PPP1R3G: variants seen among roughly 807,000 people sequenced by gnomAD.
PPP1R3G encodes the protein protein phosphatase 1, regulatory (inhibitor) subunit 3G.
Under a neutral mutation model 2.0 loss-of-function variants are expected in PPP1R3G, and 3 were observed. The ratio of observed to expected loss-of-function variants is 1.47; its 90% CI spans 0.67 to 3.81. The LOEUF is 3.81. PPP1R3G is among the 30% of genes most tolerant of loss of function. The pLI is 0.02. For synonymous variants in PPP1R3G, 267 were observed against 250.9 expected (o/e 1.06, Z -0.61); for missense variants, 595 against 517.0 (o/e 1.15, Z -1.46).
Position 5,086,726 on chromosome 6 carries a change from C to T in PPP1R3G, c.*164C>T, listed in dbSNP as rs1762044404. 1 of 631,078 alleles carries T rather than the reference C, an allele frequency of 1.6e-6. No homozygotes were observed. The highest frequency in any genetic ancestry group is 2.7e-6 in the Non-Finnish European group (1 of 366,814). The allele number at this position is 631,078 out of a possible 1,614,324, so 39.1% of individuals were successfully genotyped here. ...GACTTTGAACCGTCGACTCGCACCCCCGCAGACAAGTGAGCGAGCTTAGAG... is the reference window on the plus strand; with the variant it reads ...GACTTTGAACCGTCGACTCGCACCCTCGCAGACAAGTGAGCGAGCTTAGAG... On this transcript the variant is annotated 3_prime_UTR_variant, in exon 1 of 1. Transcript: ENST00000405617.
At position 5,086,923 on chromosome 6, in the gene PPP1R3G, T is replaced by C. The variant is rs1762051678; in HGVS notation, c.*361T>C. On this transcript the variant is annotated 3_prime_UTR_variant, in exon 1 of 1. Coordinates refer to ENST00000405617, the MANE Select transcript of PPP1R3G (RefSeq NM_001145115.3). ...ACTCCCGGGCATGGTTCTAAGGCCT[T>C]GGGATTGGTTTTTAACTCTAAATAT... 3.6e-6 allele frequency: 1 copy of C among 277,450 alleles called. No homozygotes were observed. 17.2% of individuals were successfully genotyped at this position (277,450 alleles called of 1,614,324 possible). A position where few individuals can be genotyped will look rare whatever the true frequency, so the allele number is the denominator to read the frequency against.
In PPP1R3G at chr6:5,085,653, TA is replaced by T. The variant is rs1293040394; in HGVS notation, c.169del (p.Arg57GlyfsTer84). Reference sequence around the variant, plus strand: ...CGAGTCCTGACGCTCAGCTAGGGGATAGGCCCCTGTCCCCGAAGGAAGAGGC... The same window carrying T: ...CGAGTCCTGACGCTCAGCTAGGGGATGGCCCCTGTCCCCGAAGGAAGAGGC... Reference protein sequence around the residue: ...TPSPDAQLGDRPLSPKEEAAP... With the variant: ...TPSPDAQLGDXPLSPKEEAAP... On this transcript the variant is annotated frameshift_variant, in exon 1 of 1. Transcript: ENST00000405617. LOFTEE classifies it low-confidence loss of function (END_TRUNC). The T allele has an allele frequency of 3.2e-6, 5 of 1,548,592 alleles. No homozygotes were observed. The highest frequency in any genetic ancestry group is 3.5e-6 in the Non-Finnish European group (4 of 1,146,492).
Position 5,085,411 on chromosome 6 carries a change from C to A in PPP1R3G, c.-75C>A. On this transcript the variant is annotated 5_prime_UTR_variant, in exon 1 of 1. Transcript: ENST00000405617. ...CCTGAACTGCAGCCCTGCGCTCCTT[C>A]CACGGCCCGAGGAGTTAGTTAAGTC... 1.8e-6 allele frequency: 2 copies of A among 1,140,644 alleles called. No individual in the cohort carries two copies. Among genetic ancestry groups the A allele is most frequent in the Non-Finnish European group, 2.4e-6 (2 of 818,908 alleles). 70.7% of individuals were successfully genotyped at this position (1,140,644 alleles called of 1,614,324 possible).
At position 5,086,769 on chromosome 6, in the gene PPP1R3G, G is replaced by A; in HGVS notation, c.*207G>A. On this transcript the variant is annotated 3_prime_UTR_variant, in exon 1 of 1. Transcript: ENST00000405617. The stretch of plus-strand genomic sequence containing the variant: ...GCTTAGAGAGCCCGGGCAATGCTCC[G>A]AAAGCCTCTGACCTCAGTCTTCTCG... 1.7e-6 allele frequency: 1 copy of A among 585,462 alleles called. No individual in the cohort carries two copies. The highest frequency in any genetic ancestry group is 3.0e-6 in the Non-Finnish European group (1 of 331,666). 36.3% of individuals were successfully genotyped at this position (585,462 alleles called of 1,614,324 possible).
At position 5,088,592 on chromosome 6, in the gene PPP1R3G, CAA is replaced by C. The variant is rs1188880622; in HGVS notation, c.*2032_*2033del. On this transcript the variant is annotated 3_prime_UTR_variant, in exon 1 of 1. Transcript: ENST00000405617. ...AGTAGACACAGCAGAGACCAGATGG[CAA>C]AGTGTAAAATATTTACTATCTGGCC... 1 of 152,182 alleles carries C rather than the reference CAA, an allele frequency of 6.6e-6. No individual in the cohort carries two copies. Among genetic ancestry groups the C allele is most frequent in the African/African-American group, 2.4e-5 (1 of 41,436 alleles). The allele number at this position is 152,182 out of a possible 1,614,324, so 9.4% of individuals were successfully genotyped here.
rs2127581981 is a variant in PPP1R3G, at chr6:5,088,675, A to G, written c.*2113A>G. The G allele has an allele frequency of 6.6e-6, 1 of 152,344 alleles. No individual in the cohort carries two copies. The highest frequency in any genetic ancestry group is 1.9e-4 in the East Asian group (1 of 5,186). The allele number at this position is 152,344 out of a possible 1,614,324, so 9.4% of individuals were successfully genotyped here. ...TAGGGAAGTAGTGTTTTTTAAACAC[A>G]ATATGCTGACAATTATAGTTAATAA... is the stretch of plus-strand genomic sequence containing the variant. On this transcript the variant is annotated 3_prime_UTR_variant, in exon 1 of 1. Coordinates refer to ENST00000405617, the MANE Select transcript of PPP1R3G (RefSeq NM_001145115.3).
rs1311535648 is a variant in PPP1R3G at position 5,086,322 on chromosome 6, ACC to A, written c.838_839del (p.Pro280ValfsTer33). ...CGCTGGAGCCACAGCAGCCAGAGGC[ACC>A]GTCTGGGGCCTCCGAGCCAGGGTCC... ...EPLEPQQPEAPSGASEPGSGD... is the reference protein window; with the variant it reads ...EPLEPQQPEAXSGASEPGSGD... On this transcript the variant is annotated frameshift_variant, in exon 1 of 1. Coordinates refer to ENST00000405617, the MANE Select transcript of PPP1R3G (RefSeq NM_001145115.3). LOFTEE classifies it low-confidence loss of function (END_TRUNC). The A allele has an allele frequency of 1.3e-6, 2 of 1,535,588 alleles. No homozygotes were observed. The highest frequency in any genetic ancestry group is 1.4e-5 in the African/African-American group (1 of 73,028).
rs111286900 is a variant in PPP1R3G, at chr6:5,085,719, C to A, written c.234C>A (p.Arg78=). Residue 78 remains arginine, a synonymous_variant, in exon 1 of 1, where the codon CGC becomes CGA. Coordinates refer to ENST00000405617, the MANE Select transcript of PPP1R3G (RefSeq NM_001145115.3). The stretch of plus-strand genomic sequence containing the variant: ...AGGAGGAGCTGCTGGAATGCCGCCG[C>A]CGCTGCCGCGCGCGCTCCTTTTCCT... The part of the protein sequence containing the change: ...QEQEELLECR[R]RCRARSFSLP... The A allele has an allele frequency of 6.5e-7, 1 of 1,546,098 alleles. No homozygotes were observed. The highest frequency in any genetic ancestry group is 1.2e-5 in the South Asian group (1 of 83,796).
At position 5,087,443 on chromosome 6, in the gene PPP1R3G, G is replaced by C. The variant is rs1205423575; in HGVS notation, c.*881G>C. On this transcript the variant is annotated 3_prime_UTR_variant, in exon 1 of 1. Transcript: ENST00000405617. ...GTTCCGTCCCCCTCCGAATTAAGAC[G>C]TTTGGTGAATTGAAATGCCAGTCCT... is the stretch of plus-strand genomic sequence containing the variant. 6.6e-6 allele frequency: 1 copy of C among 152,264 alleles called. No homozygotes were observed. The highest frequency in any genetic ancestry group is 1.5e-5 in the Non-Finnish European group (1 of 68,080). 9.4% of individuals were successfully genotyped at this position (152,264 alleles called of 1,614,324 possible). A position where few individuals can be genotyped will look rare whatever the true frequency, so the allele number is the denominator to read the frequency against.
At position 5,086,808 on chromosome 6, in the gene PPP1R3G, C is replaced by G; in HGVS notation, c.*246C>G. ...TCAGTCTTCTCGTCCGTTTGACCTT[C>G]CTACAAGGCCTCTAGAATTCCCAGC... On this transcript the variant is annotated 3_prime_UTR_variant, in exon 1 of 1. Coordinates refer to ENST00000405617, the MANE Select transcript of PPP1R3G (RefSeq NM_001145115.3). 1.9e-6 allele frequency: 1 copy of G among 532,964 alleles called. No homozygotes were observed. Among genetic ancestry groups the G allele is most frequent in the Non-Finnish European group, 3.3e-6 (1 of 305,274 alleles). 33.0% of individuals were successfully genotyped at this position (532,964 alleles called of 1,614,324 possible). A position where few individuals can be genotyped will look rare whatever the true frequency, so the allele number is the denominator to read the frequency against.
rs1338977619 is a variant in PPP1R3G, at chr6:5,088,741, C to T, written c.*2179C>T. ...GTGAGCTTTTGCCACTTGAAATAAA[C>T]CCCCTTTGGGTAAAGGTAAAGCTTT... is the stretch of plus-strand genomic sequence containing the variant. On this transcript the variant is annotated 3_prime_UTR_variant, in exon 1 of 1. Transcript: ENST00000405617. The T allele has an allele frequency of 6.6e-6, 1 of 152,188 alleles. No individual in the cohort carries two copies. Among genetic ancestry groups the T allele is most frequent in the Non-Finnish European group, 1.5e-5 (1 of 68,036 alleles). The allele number at this position is 152,188 out of a possible 1,614,324, so 9.4% of individuals were successfully genotyped here. A position where few individuals can be genotyped will look rare whatever the true frequency, so the allele number is the denominator to read the frequency against.
rs369881769 is a variant in PPP1R3G at position 5,086,550 on chromosome 6, G to C, written c.1065G>C (p.Ala355=). ...ANYTLRYARP[A]DAL ...ACACGCTGCGCTACGCGCGCCCTGCGGACGCGCTCTGAGCCTGGAGAGTTT... is the reference window on the plus strand; with the variant it reads ...ACACGCTGCGCTACGCGCGCCCTGCCGACGCGCTCTGAGCCTGGAGAGTTT... The change falls in exon 1 of 1, where the codon GCG becomes GCC. Residue 355 remains alanine (A), a synonymous_variant. Transcript: ENST00000405617. 3.9e-6 allele frequency: 6 copies of C among 1,525,080 alleles called. No individual in the cohort carries two copies. In the Admixed American group the frequency reaches 6.0e-5, roughly 15 times the overall value. 94.5% of individuals were successfully genotyped at this position (1,525,080 alleles called of 1,614,324 possible).
Position 5,088,260 on chromosome 6 carries a change from A to C in PPP1R3G, c.*1698A>C, listed in dbSNP as rs1280711317. ...CAGGCATCTGCCACCACACCTGGCT[A>C]ATTTTTGTATTTTTGGTAGAGACAG... On this transcript the variant is annotated 3_prime_UTR_variant, in exon 1 of 1. Coordinates refer to ENST00000405617, the MANE Select transcript of PPP1R3G (RefSeq NM_001145115.3). 1 of 151,952 alleles carries C rather than the reference A, an allele frequency of 6.6e-6. No individual in the cohort carries two copies. The highest frequency in any genetic ancestry group is 1.5e-5 in the Non-Finnish European group (1 of 68,040). The allele number at this position is 151,952 out of a possible 1,614,324, so 9.4% of individuals were successfully genotyped here.
rs750022304 is a variant in PPP1R3G, at chr6:5,086,390, TCTC to T, written c.906_908del (p.Phe302_Ser303delinsLeu). On this transcript the variant is annotated inframe_deletion, in exon 1 of 1. Coordinates refer to ENST00000405617, the MANE Select transcript of PPP1R3G (RefSeq NM_001145115.3). ...GAGCCAGGCGCCGAGTGCTTCCACT[TCTC>T]GCTGTGCCTGCCCCCGGGCCTGCAG... The T allele has an allele frequency of 3.3e-6, 5 of 1,536,032 alleles. No individual in the cohort carries two copies. The highest frequency in any genetic ancestry group is 4.4e-6 in the Non-Finnish European group (5 of 1,146,748).
At position 5,087,158 on chromosome 6, in the gene PPP1R3G, GTTGT is replaced by G. The variant is rs1217869483; in HGVS notation, c.*599_*602del. The G allele has an allele frequency of 2.0e-5, 3 of 152,256 alleles. No individual in the cohort carries two copies. The highest frequency in any genetic ancestry group is 1.9e-4 in the East Asian group (1 of 5,154). The allele number at this position is 152,256 out of a possible 1,614,324, so 9.4% of individuals were successfully genotyped here. Reference sequence around the variant, plus strand: ...TGGGTAATGTGTGCCCAGACTTGACGTTGTTTATTGTGCGACATTGTGTACAAAT... The same window carrying G: ...TGGGTAATGTGTGCCCAGACTTGACGTTATTGTGCGACATTGTGTACAAAT... On this transcript the variant is annotated 3_prime_UTR_variant, in exon 1 of 1. Coordinates refer to ENST00000405617, the MANE Select transcript of PPP1R3G (RefSeq NM_001145115.3).
rs1011307184 is a variant in PPP1R3G at position 5,086,036 on chromosome 6, C to G, written c.551C>G (p.Ala184Gly). ...LEQLGGLLAA[A>G]AVAAPLSAPP... ...CAGCTCGGGGGGCTGCTGGCCGCGG[C>G]GGCAGTGGCCGCGCCCCTTTCAGCG... is the stretch of plus-strand genomic sequence containing the variant. Residue 184 changes from alanine to glycine, a missense_variant, in exon 1 of 1, where the codon GCG becomes GGG. Transcript: ENST00000405617. 6.7e-7 allele frequency: 1 copy of G among 1,488,316 alleles called. No homozygotes were observed. The highest frequency in any genetic ancestry group is 1.5e-5 in the African/African-American group (1 of 68,414). The allele number at this position is 1,488,316 out of a possible 1,614,324, so 92.2% of individuals were successfully genotyped here. A position where few individuals can be genotyped will look rare whatever the true frequency, so the allele number is the denominator to read the frequency against.
chr6:5,086,475 C>T lies in PPP1R3G; in HGVS notation c.990C>T (p.Cys330=). 4 of 1,537,298 alleles carry T rather than the reference C, an allele frequency of 2.6e-6. No homozygotes were observed. Among genetic ancestry groups the T allele is most frequent in the South Asian group, 1.2e-5 (1 of 84,012 alleles). The change falls in exon 1 of 1, where the codon TGC becomes TGT. Residue 330 remains cysteine, a synonymous_variant. Transcript: ENST00000405617. ...GCGTCGCGGTCCACTTCGCTGTCTG[C>T]TACCGCTGCGCGCAGGGCGAGTACT... The part of the protein sequence containing the change: ...ERGVAVHFAV[C]YRCAQGEYWD...
chr6:5,085,425 G>A lies in PPP1R3G; in HGVS notation c.-61G>A. ...CTGCGCTCCTTCCACGGCCCGAGGA[G>A]TTAGTTAAGTCTCCAGAGGGGCCCG... On this transcript the variant is annotated 5_prime_UTR_variant, in exon 1 of 1. Coordinates refer to ENST00000405617, the MANE Select transcript of PPP1R3G (RefSeq NM_001145115.3). The A allele has an allele frequency of 1.6e-6, 2 of 1,258,862 alleles. No individual in the cohort carries two copies. The highest frequency in any genetic ancestry group is 4.7e-5 in the Admixed American group (2 of 42,362). 78.0% of individuals were successfully genotyped at this position (1,258,862 alleles called of 1,614,324 possible).
Position 5,086,350 on chromosome 6 carries a change from G to C in PPP1R3G, c.865G>C (p.Gly289Arg). ...APSGASEPGS[G>R]DAKKEPGAEC... ...GTCTGGGGCCTCCGAGCCAGGGTCC[G>C]GGGATGCCAAGAAAGAGCCAGGCGC... The change falls in exon 1 of 1, where the codon GGG (glycine) becomes CGG (arginine). Residue 289 changes from glycine (G) to arginine (R), a missense_variant. Coordinates refer to ENST00000405617, the MANE Select transcript of PPP1R3G (RefSeq NM_001145115.3). The C allele has an allele frequency of 6.5e-7, 1 of 1,535,900 alleles. No individual in the cohort carries two copies. Among genetic ancestry groups the C allele is most frequent in the Non-Finnish European group, 8.7e-7 (1 of 1,146,686 alleles).
Sources: gnomAD v4.1 joint callset for allele counts on GRCh38, gnomAD v4.1.1 for gene constraint, MANE v1.5 for transcripts, NCBI Gene and HGNC (gene_info 2026-07-23, HGNC 2026-07-21) for gene names.